ZC3H14: variants seen among roughly 807,000 people sequenced by gnomAD.
ZC3H14 encodes the protein zinc finger CCCH domain-containing protein 14.
ZC3H14 carries 31 observed loss-of-function variants against 92.4 expected under a neutral mutation model. The ratio of observed to expected loss-of-function variants is 0.34; its 90% confidence interval spans 0.25 to 0.45. ZC3H14 has a LOEUF of 0.45. ZC3H14 is among the 20% of genes least tolerant of loss of function. The pLI, the probability that ZC3H14 is intolerant of heterozygous loss-of-function variation, is 1.00. For synonymous variants in ZC3H14, 321 were observed against 300.9 expected (o/e 1.07, Z -0.69); for missense variants, 781 against 897.3 (o/e 0.87, Z 1.66).
At chr14:88,577,084 C>T (rs953213486) in intron 8 of ZC3H14, among the ~76,000 whole-genome samples, 2 of 152,074 alleles carry the variant, frequency 1.3e-5, no homozygotes, top group African/African-American at 2.4e-5. Flanking sequence ...CGTGAGCCAC[C>T]GCGCCTGGCA....
Position 88,619,168 on chromosome 14 carries a change from C to T in ZC3H14, c.*7417C>T, listed in dbSNP as rs554922574. On this transcript the variant is annotated 3_prime_UTR_variant, in exon 17 of 17. Transcript: ENST00000251038. Reference sequence around the variant, plus strand: ...ATCACCTGAGGTCGAGAGTTTGAGACCAGCCTGACCAACATAGAGAAACCC... The same window carrying T: ...ATCACCTGAGGTCGAGAGTTTGAGATCAGCCTGACCAACATAGAGAAACCC... The T allele has an allele frequency of 7.0e-4, 114 of 162,734 alleles. 1 individual carries two copies. The highest frequency in any genetic ancestry group is 9.3e-4 in the Non-Finnish European group (70 of 75,128). 10.1% of individuals were successfully genotyped at this position (162,734 alleles called of 1,614,324 possible).
At chr14:88,602,689 TG>T in intron 11 of ZC3H14, 138 bp from the exon 12 acceptor site, 1 of 852,866 alleles carries the variant, frequency 1.2e-6, no homozygotes, top group Non-Finnish European at 1.9e-6. Context: ...GTGCTGCACC[TG>T]GTAGCCCTAC....
chr14:88,566,721 A>C lies in ZC3H14; in HGVS notation c.80-1318A>C, dbSNP rs536604432. ...GATCACTTGAGGTCAGGAGTTCGAG[A>C]CCAGCCTAGTCAACATGCTGAAACC... On this transcript the variant is annotated intron_variant, in intron 2 of 16. Transcript: ENST00000251038. Among the ~76,000 whole-genome samples, 5 of 152,226 alleles carry C rather than the reference A, an allele frequency of 3.3e-5. No homozygotes were observed. In the South Asian group the frequency reaches 1.0e-3, roughly 32 times the overall value.
At chr14:88,590,162 T>C (rs1013160835) in intron 9 of ZC3H14, 1 of 151,882 alleles carries the variant, frequency 6.6e-6, no homozygotes, top group African/African-American at 2.4e-5. Context: ...AGTCACCGTC[T>C]GTGATTTGCC....
At position 88,565,436 on chromosome 14, in the gene ZC3H14, C is replaced by T. The variant is rs141103845; in HGVS notation, c.79+1743C>T. 2.2e-3 allele frequency among the ~76,000 whole-genome samples: 342 copies of T among 152,184 alleles called. 2 individuals are homozygous for T. The South Asian group carries it at 0.028, about 13-fold the overall frequency. On this transcript the variant is annotated intron_variant, in intron 2 of 16. Coordinates refer to ENST00000251038, the MANE Select transcript of ZC3H14 (RefSeq NM_024824.5). ...GATTACAGGTGTCAGCCACTGCATCCGGCCAACTCAATGGCGATATTAAAA... is the reference window on the plus strand; with the variant it reads ...GATTACAGGTGTCAGCCACTGCATCTGGCCAACTCAATGGCGATATTAAAA...
chr14:88,579,629 C>A (rs1025387518), intron 9 of ZC3H14, among the ~76,000 whole-genome samples: 9 of 152,126 alleles, frequency 5.9e-5, no homozygotes, highest in African/African-American at 2.2e-4. Context: ...AATAGGAAAT[C>A]TCAAAGCAAG....
Position 88,618,227 on chromosome 14 carries a change from C to T in ZC3H14, c.*6476C>T, listed in dbSNP as rs2088081710. 1.2e-6 allele frequency: 2 copies of T among 1,613,152 alleles called. No individual in the cohort carries two copies. Among genetic ancestry groups the T allele is most frequent in the Non-Finnish European group, 1.7e-6 (2 of 1,179,468 alleles). On this transcript the variant is annotated 3_prime_UTR_variant, in exon 17 of 17. Transcript: ENST00000251038. ...TGCCTTGTGAATATATAAGTATTTA[C>T]CTAGTCCATGTAGCCCAAGTAATTC...
In ZC3H14 at chr14:88,572,197, T is replaced by A; in HGVS notation, c.403T>A (p.Ser135Thr). The stretch of plus-strand genomic sequence containing the variant: ...AAGAGATTCCAGAGTTTCTACAAGT[T>A]CGCAGGAGTCAAAAACCACAAATGT... ...EKRDSRVSTS[S>T]QESKTTNVRQ... The change falls in exon 5 of 17, where the codon TCG becomes ACG. Residue 135 changes from serine (S) to threonine (T), a missense_variant. Ser to Thr is a moderately conservative substitution (Grantham distance 58). Coordinates refer to ENST00000251038, the MANE Select transcript of ZC3H14 (RefSeq NM_024824.5). The A allele has an allele frequency of 6.2e-7, 1 of 1,614,150 alleles. No individual in the cohort carries two copies. The highest frequency in any genetic ancestry group is 8.5e-7 in the Non-Finnish European group (1 of 1,180,032).
At chr14:88,563,283 G>A in intron 1 of ZC3H14, 114 bp downstream of exon 1, 1 of 1,534,174 alleles carries the variant, frequency 6.5e-7, no homozygotes. Context: ...TCCGCTGGAC[G>A]CTCCTGGCGG....
chr14:88,607,100 C>A (rs1321344577), intron 12 of ZC3H14, 143 bp from the exon 13 acceptor site: 6 of 1,279,158 alleles, frequency 4.7e-6, no homozygotes, highest in Non-Finnish European at 1.1e-6. Context: ...CAGTGTTAAT[C>A]CCATAATTTG....
intron 14 of ZC3H14, 32 bp downstream of exon 14, chr14:88,609,435 T>C (rs2086169743): frequency 2.5e-6 from 4 of 1,613,486 alleles, no homozygotes; most frequent in Non-Finnish European, 3.4e-6. Flanking sequence ...TACATTTGGG[T>C]AAAAAATATA....
In ZC3H14 at chr14:88,572,909, T is replaced by C. The variant is rs200308158; in HGVS notation, c.763T>C (p.Tyr255His). The part of the protein sequence containing the change: ...KQLDMQSSWV[Y>H]ETGRLCEPEV... Reference sequence around the variant, plus strand: ...GCTTGATATGCAGAGTAGTTGGGTATATGAAACAGGACGTTTGTGTGAACC... The same window carrying C: ...GCTTGATATGCAGAGTAGTTGGGTACATGAAACAGGACGTTTGTGTGAACC... The change falls in exon 6 of 17, where the codon TAT becomes CAT. Residue 255 changes from tyrosine (Y) to histidine (H), a missense_variant. Tyr to His is a moderately conservative substitution (Grantham distance 83, BLOSUM62 2). Transcript: ENST00000251038. 1 of 1,614,194 alleles carries C rather than the reference T, an allele frequency of 6.2e-7. No individual in the cohort carries two copies. The highest frequency in any genetic ancestry group is 2.2e-5 in the East Asian group (1 of 44,884).
At chr14:88,605,470 C>T (rs2085245510) in intron 12 of ZC3H14, among the ~76,000 whole-genome samples, 1 of 152,100 alleles carries the variant, frequency 6.6e-6, no homozygotes, top group African/African-American at 2.4e-5. Context: ...TAGTTGGTTA[C>T]TACAGGTGCA....
intron 13 of ZC3H14, 199 bp from the exon 14 acceptor site, chr14:88,609,068 T>C: frequency 1.5e-6 from 1 of 647,540 alleles, no homozygotes; most frequent in Non-Finnish European, 2.5e-6. Context: ...AGCCTGTGTT[T>C]GTGTTATCCC....
chr14:88,580,847 G>C (rs2081828763), intron 9 of ZC3H14, among the ~76,000 whole-genome samples: 1 of 152,166 alleles, frequency 6.6e-6, no homozygotes, highest in African/African-American at 2.4e-5. Flanking sequence ...ACATGACTTA[G>C]AAGAAAAGGA....
intron 13 of ZC3H14, among the ~76,000 whole-genome samples, chr14:88,607,642 A>T (rs1225276318): frequency 8.2e-6 from 1 of 122,102 alleles, no homozygotes; most frequent in African/African-American, 3.2e-5. Context: ...AGTGAGTACC[A>T]TCCCTGCATT....
At chr14:88,564,201 C>T (rs1439557880) in intron 2 of ZC3H14, among the ~76,000 whole-genome samples, 1 of 152,156 alleles carries the variant, frequency 6.6e-6, no homozygotes, top group Non-Finnish European at 1.5e-5. Context: ...CTGGCATTTG[C>T]TTCTGTAATG....
At chr14:88,603,384 C>T (rs1190726633) in intron 12 of ZC3H14, among the ~76,000 whole-genome samples, 11 of 152,318 alleles carry the variant, frequency 7.2e-5, no homozygotes, top group Non-Finnish European at 1.5e-5. Flanking sequence ...AACTGTACTG[C>T]CACTTTGCCC....
intron 4 of ZC3H14, 61 bp downstream of exon 4, chr14:88,571,185 C>G: frequency 7.0e-7 from 1 of 1,436,726 alleles, no homozygotes; most frequent in Non-Finnish European, 9.5e-7. Flanking sequence ...TTGTTTCTTT[C>G]TAAAGTCATA....
Sources: allele counts gnomAD v4.1 joint callset (sites outside exome capture counted in the v4.1 genomes callset), GRCh38; gene constraint gnomAD v4.1.1; transcripts MANE v1.5; gene names NCBI Gene and HGNC (gene_info 2026-07-23, HGNC 2026-07-21).